Variants in ADAM18 observed in about 807,000 individuals in gnomAD.
The protein encoded by ADAM18 is ADAM metallopeptidase domain 18.
In ADAM18, 117 loss-of-function variants were observed where a neutral mutation model predicts 94.4. The observed-to-expected ratio is 1.24, with a 90% CI of 1.07 to 1.45. The LOEUF (loss-of-function observed/expected upper bound fraction) is 1.45. Ranked by LOEUF, ADAM18 falls within the 40% of genes most tolerant of loss-of-function variation. ADAM18 has a pLI of 0.00. For missense variants in ADAM18, 936 were observed against 880.0 expected (o/e 1.06, Z -0.81); for synonymous variants, 327 against 291.6 (o/e 1.12, Z -1.24).
intron 17 of ADAM18, among the ~76,000 whole-genome samples, chr8:39,700,685 A>G (rs1172177106): frequency 6.6e-6 from 1 of 152,036 alleles, no homozygotes; most frequent in Non-Finnish European, 1.5e-5. Flanking sequence ...CACTTTTTAT[A>G]TTTTGTTTCT....
chr8:39,589,209 T>A (rs966430311), intron 2 of ADAM18, among the ~76,000 whole-genome samples: 1 of 152,220 alleles, frequency 6.6e-6, no homozygotes, highest in African/African-American at 2.4e-5. Context: ...ATTCCAAGTC[T>A]AGCTGATAGT....
At chr8:39,616,219 C>A (rs1332243242) in intron 6 of ADAM18, among the ~76,000 whole-genome samples, 2 of 151,916 alleles carry the variant, frequency 1.3e-5, no homozygotes, top group Non-Finnish European at 2.9e-5. Context: ...GCCTGGCCAA[C>A]ATGGTGAAAC....
rs1387963155 is a variant in ADAM18, at chr8:39,636,771, G to A, written c.589-493G>A. ...CCAAACTTTGTATCCTATGAATGCC[G>A]TTTCCACATTTCTCCCCACACTCAG... On this transcript the variant is annotated intron_variant, in intron 7 of 19. Transcript: ENST00000265707. 9.2e-5 allele frequency among the ~76,000 whole-genome samples: 14 copies of A among 151,580 alleles called. No individual in the cohort carries two copies. The East Asian group carries it at 1.8e-3, about 19-fold the overall frequency.
At chr8:39,663,598 CAAAAAAAAAAAAA>C (rs10597769) in intron 12 of ADAM18, among the ~76,000 whole-genome samples, 184 bp from the exon 13 acceptor site, 2 of 19,592 alleles carry the variant, frequency 1.0e-4, no homozygotes, top group Non-Finnish European at 1.7e-4. Flanking sequence ...AATCCTGTCT[CAAAAAAAAAAAAA>C]AAAAAAAAAA....
intron 12 of ADAM18, among the ~76,000 whole-genome samples, 200 bp from the exon 13 acceptor site, chr8:39,663,595 T>A (rs1820905859): frequency 1.5e-5 from 1 of 67,450 alleles, no homozygotes; most frequent in African/African-American, 8.0e-5. Flanking sequence ...TGAAATCCTG[T>A]CTCAAAAAAA....
intron 18 of ADAM18, among the ~76,000 whole-genome samples, chr8:39,713,965 A>G (rs1406938686): frequency 6.6e-6 from 1 of 152,242 alleles, no homozygotes; most frequent in Non-Finnish European, 1.5e-5. Flanking sequence ...ATTATAAATC[A>G]TGCTACTATA....
chr8:39,591,303 T>C (rs1357810791), intron 2 of ADAM18, among the ~76,000 whole-genome samples: 2 of 152,172 alleles, frequency 1.3e-5, no homozygotes, highest in Admixed American at 6.5e-5. Context: ...GATTTCTCTA[T>C]AGTATGCAAT....
chr8:39,684,959 A>G (rs900728703), intron 16 of ADAM18, among the ~76,000 whole-genome samples: 1 of 152,098 alleles, frequency 6.6e-6, no homozygotes, highest in East Asian at 1.9e-4. Context: ...TGCAGCCCCC[A>G]GTCACGTACC....
intron 2 of ADAM18, among the ~76,000 whole-genome samples, chr8:39,602,150 G>T (rs1390628966): frequency 2.0e-5 from 3 of 152,116 alleles, no homozygotes; most frequent in Non-Finnish European, 4.4e-5. Context: ...ACCTCTTCAA[G>T]ATACTGCTTT....
rs759564897 is a variant in ADAM18, at chr8:39,637,658, G to T, written c.782G>T (p.Arg261Leu). 2 of 1,612,190 alleles carry T rather than the reference G, an allele frequency of 1.2e-6. No individual in the cohort carries two copies. Among genetic ancestry groups the T allele is most frequent in the Non-Finnish European group, 1.7e-6 (2 of 1,179,012 alleles). Residue 261 changes from arginine to leucine, a missense_variant, in exon 9 of 20, where the codon CGG becomes CTG. Transcript: ENST00000265707. ...DILQRFLAWK[R>L]DYLILRPHDI... ...TTACAAAGATTTTTGGCATGGAAAC[G>T]GGACTATCTCATCCTACGGCCCCAT...
In ADAM18 at chr8:39,663,820, A is replaced by G; in HGVS notation, c.1256A>G (p.Asp419Gly). Residue 419 changes from aspartate (D) to glycine (G), a missense_variant, in exon 13 of 20, where the codon GAT becomes GGT. Coordinates refer to ENST00000265707, the MANE Select transcript of ADAM18 (RefSeq NM_014237.3). ...KNECQFKKCC[D>G]YNTCKLKGSV... Reference sequence around the variant, plus strand: ...GAATGTCAATTTAAGAAGTGCTGTGATTATAACACATGTAAACTGAAGGGC... The same window carrying G: ...GAATGTCAATTTAAGAAGTGCTGTGGTTATAACACATGTAAACTGAAGGGC... 2 of 1,612,700 alleles carry G rather than the reference A, an allele frequency of 1.2e-6. No individual in the cohort carries two copies. Among genetic ancestry groups the G allele is most frequent in the Non-Finnish European group, 1.7e-6 (2 of 1,179,604 alleles).
chr8:39,591,728 C>T lies in ADAM18; in HGVS notation c.132+6376C>T, dbSNP rs113778049. On this transcript the variant is annotated intron_variant, in intron 2 of 19. Coordinates refer to ENST00000265707, the MANE Select transcript of ADAM18 (RefSeq NM_014237.3). ...GATATCTTAACCTCTTTCCATGAAT[C>T]GTGAATTGTCTTAATGACATGTAGA... Among the ~76,000 whole-genome samples, 247 of 152,278 alleles carry T rather than the reference C, an allele frequency of 1.6e-3. 2 individuals are homozygous for T. The highest frequency in any genetic ancestry group is 5.7e-3 in the African/African-American group (235 of 41,566).
chr8:39,663,598 CAA>C (rs10597769), intron 12 of ADAM18, among the ~76,000 whole-genome samples, 195 bp from the exon 13 acceptor site: 2,738 of 19,028 alleles, frequency 0.14, 1 homozygote, highest in Non-Finnish European at 0.19. Context: ...AATCCTGTCT[CAA>C]AAAAAAAAAA....
chr8:39,586,676 G>A (rs982194848), intron 2 of ADAM18, among the ~76,000 whole-genome samples: 1 of 152,142 alleles, frequency 6.6e-6, no homozygotes, highest in Non-Finnish European at 1.5e-5. Context: ...GCAGTCAGCT[G>A]TGATTGTGTC....
At chr8:39,620,562 A>G (rs993107461) in intron 6 of ADAM18, among the ~76,000 whole-genome samples, 117 of 147,438 alleles carry the variant, frequency 7.9e-4, no homozygotes, top group African/African-American at 2.7e-3. Context: ...AAAATATAAT[A>G]ATTTATATAT....
intron 2 of ADAM18, among the ~76,000 whole-genome samples, chr8:39,586,894 T>A (rs190141816): frequency 3.0e-4 from 45 of 152,298 alleles, no homozygotes; most frequent in Non-Finnish European, 7.4e-5. Context: ...TTCAAATTTC[T>A]TACTACTTGT....
chr8:39,637,454 G>A lies in ADAM18; in HGVS notation c.661-83G>A, dbSNP rs1314784218. 5.7e-6 allele frequency: 8 copies of A among 1,405,886 alleles called. No homozygotes were observed. In the South Asian group the frequency reaches 8.4e-5, roughly 15 times the overall value. The allele number at this position is 1,405,886 out of a possible 1,614,324, so 87.1% of individuals were successfully genotyped here. On this transcript the variant is annotated intron_variant, in intron 8 of 19. Coordinates refer to ENST00000265707, the MANE Select transcript of ADAM18 (RefSeq NM_014237.3). ...TTATTAGTTTAATACTGAAAATACT[G>A]GAACATGTTGTTTATTTTTTAATGT...
chr8:39,723,961 A>G, intron 19 of ADAM18, 54 bp downstream of exon 19: 1 of 1,090,426 alleles, frequency 9.2e-7, no homozygotes, highest in Non-Finnish European at 1.2e-6. Context: ...GTCATTAACC[A>G]GTGTCATGCA....
intron 18 of ADAM18, among the ~76,000 whole-genome samples, chr8:39,718,841 G>A (rs1822658672): frequency 6.6e-6 from 1 of 151,058 alleles, no homozygotes; most frequent in Admixed American, 6.6e-5. Flanking sequence ...ATAAATTAAA[G>A]AAGATTTAAA....
Sources: allele counts gnomAD v4.1 joint callset (sites outside exome capture counted in the v4.1 genomes callset), GRCh38; gene constraint gnomAD v4.1.1; transcripts MANE v1.5; gene names NCBI Gene and HGNC (gene_info 2026-07-23, HGNC 2026-07-21).